The following ARID3C variants were observed in gnomAD, a reference collection of about 807,000 sequenced individuals.
ARID3C encodes AT-rich interactive domain-containing protein 3C.
In ARID3C, 42 loss-of-function variants were observed where a neutral mutation model predicts 37.9. The ratio of observed to expected loss-of-function variants is 1.11; its 90% CI spans 0.87 to 1.43. The LOEUF (loss-of-function observed/expected upper bound fraction) is 1.43. Ranked by LOEUF, ARID3C falls within the 40% of genes most tolerant of loss-of-function variation. The probability of loss-of-function intolerance (pLI) is 0.00; values close to 1 mark genes in which losing one functional copy is unlikely to be tolerated. For missense variants in ARID3C, 581 were observed against 548.8 expected (o/e 1.06, Z -0.59); for synonymous variants, 213 against 228.0 (o/e 0.93, Z 0.59).
At chr9:34,630,298 G>T (rs999378516), upstream of ARID3C, among the ~76,000 whole-genome samples, 5 of 152,094 alleles carry the variant, frequency 3.3e-5, no homozygotes, top group African/African-American at 1.2e-4. Context: ...GGGGTTCTGA[G>T]TGGCAGGCCT....
chr9:34,624,595 G>A (rs1351638753), intron 2 of ARID3C, among the ~76,000 whole-genome samples: 1 of 152,196 alleles, frequency 6.6e-6, no homozygotes, highest in Non-Finnish European at 1.5e-5. Context: ...GATGACGGGC[G>A]GGAAAAGAAT....
At chr9:34,625,814 G>T in exon 2 of ARID3C, 1 of 1,613,910 alleles carries the variant, frequency 6.2e-7, no homozygotes, top group Non-Finnish European at 8.5e-7. Context: ...AGCTCATACA[G>T]CTGGGGAAGG....
chr9:34,626,744 C>T (rs562749077), intron 1 of ARID3C, among the ~76,000 whole-genome samples: 2 of 152,250 alleles, frequency 1.3e-5, no homozygotes, highest in Admixed American at 1.3e-4. Context: ...TTACTTAGAT[C>T]CAAGTAATAA....
At chr9:34,623,795 G>GGCCCCCC in intron 3 of ARID3C, 69 bp downstream of exon 4, 5 of 1,504,614 alleles carry the variant, frequency 3.3e-6, no homozygotes, top group Non-Finnish European at 4.4e-6. Flanking sequence ...CCCGCCCGGG[G>GGCCCCCC]ACCCTCCCCC....
At chr9:34,623,753 G>A in intron 3 of ARID3C, 39 bp from the exon 5 acceptor site, 1 of 1,503,794 alleles carries the variant, frequency 6.6e-7, no homozygotes, top group Non-Finnish European at 8.9e-7. Context: ...ATGGGAGGCT[G>A]CACCCAGCTG....
intron 4 of ARID3C, 101 bp from the exon 6 acceptor site, chr9:34,622,630 A>C: frequency 8.3e-7 from 1 of 1,206,526 alleles, no homozygotes; most frequent in African/African-American, 1.5e-5. Flanking sequence ...AAGCTCATGT[A>C]CCAATCTCTC....
rs551228728 is a variant in ARID3C, at chr9:34,622,160, CTTA to C, written c.1049-54_1049-52del. On this transcript the variant is annotated intron_variant, in intron 5 of 6. Coordinates refer to ENST00000378909, the Ensembl canonical transcript of ARID3C. Reference sequence around the variant, plus strand: ...ACATTTTGGAGAATCAGACTTCTGACTTATTAATAGAATTTCCCCCCTCCATCC... The same window carrying C: ...ACATTTTGGAGAATCAGACTTCTGACTTAATAGAATTTCCCCCCTCCATCC... 7.4e-3 allele frequency: 11,844 copies of C among 1,607,348 alleles called. 68 individuals are homozygous for C. The highest frequency in any genetic ancestry group is 9.0e-3 in the Non-Finnish European group (10,574 of 1,174,698).
rs375611227 is a variant in ARID3C at position 34,621,566 on chromosome 9, A to C, written c.1139-8T>G. 1.4e-5 allele frequency: 22 copies of C among 1,570,346 alleles called. No homozygotes were observed. The highest frequency in any genetic ancestry group is 1.9e-5 in the Non-Finnish European group (22 of 1,165,814). ...GGCGGGCAAAGAGGACACCTGGCAA[A>C]GGGGTGAGGAGATGGTAGAGGGCAA... On this transcript the variant is annotated splice_region_variant and splice_polypyrimidine_tract_variant and intron_variant, in intron 6 of 6. Coordinates refer to ENST00000378909, the Ensembl canonical transcript of ARID3C.
chr9:34,624,163 CG>C, intron 2 of ARID3C, 116 bp from the exon 4 acceptor site: 1 of 1,318,318 alleles, frequency 7.6e-7, no homozygotes, highest in Non-Finnish European at 1.0e-6. Context: ...GAGACTTGGG[CG>C]GAGCCCACAG....
upstream of ARID3C, among the ~76,000 whole-genome samples, chr9:34,629,739 TTTTCTTTTTC>T (rs1024838928): frequency 1.3e-5 from 2 of 152,184 alleles, no homozygotes; most frequent in Non-Finnish European, 2.9e-5. Flanking sequence ...TTTTCTTTTC[TTTTCTTTTTC>T]TTTCTTTTCT....
exon 6 of ARID3C, chr9:34,622,107 C>G (rs746677927): frequency 1.2e-6 from 2 of 1,613,938 alleles, no homozygotes; most frequent in Admixed American, 3.3e-5. Flanking sequence ...TCCAGCCGCT[C>G]TTCTGTCCAG....
At chr9:34,627,900 G>T in exon 1 of ARID3C, 1 of 1,561,816 alleles carries the variant, frequency 6.4e-7, no homozygotes, top group Non-Finnish European at 8.7e-7. Context: ...TCAGGGGCCT[G>T]TAGGGTCCGG....
exon 5 of ARID3C, chr9:34,622,409 A>G: frequency 6.2e-7 from 1 of 1,614,080 alleles, no homozygotes; most frequent in African/African-American, 1.3e-5. Flanking sequence ...AGGTGGGTCC[A>G]TAGGCCCCAT....
At chr9:34,624,473 C>A (rs1021611875) in intron 2 of ARID3C, among the ~76,000 whole-genome samples, 44 of 152,344 alleles carry the variant, frequency 2.9e-4, no homozygotes, top group African/African-American at 9.9e-4. Flanking sequence ...GTTTGGCCTG[C>A]AAACTTTAGT....
At chr9:34,621,909 G>C (rs1011741614) in intron 6 of ARID3C, 111 bp downstream of exon 7, 1 of 1,097,802 alleles carries the variant, frequency 9.1e-7, no homozygotes, top group Non-Finnish European at 1.4e-6. Flanking sequence ...TGTTACTCAT[G>C]CAAGTTTAGA....
intron 1 of ARID3C, among the ~76,000 whole-genome samples, chr9:34,627,061 C>G (rs570378566): frequency 6.6e-6 from 1 of 152,146 alleles, no homozygotes; most frequent in Non-Finnish European, 1.5e-5. Context: ...TGCGGAGGAG[C>G]CCTTTAGTCA....
chr9:34,627,751 G>A (rs927042469), exon 1 of ARID3C: 2 of 1,614,122 alleles, frequency 1.2e-6, no homozygotes, highest in South Asian at 1.1e-5. Context: ...CAGGGGGCTG[G>A]CTAGAAGGCG....
At chr9:34,624,821 G>A (rs1820633017) in intron 2 of ARID3C, among the ~76,000 whole-genome samples, 1 of 152,244 alleles carries the variant, frequency 6.6e-6, no homozygotes, top group South Asian at 2.1e-4. Context: ...TGCAGCTGGA[G>A]CGGTGGGAGG....
rs1259201316 is a variant in ARID3C, at chr9:34,623,359, T to C, written c.865+66A>G. The C allele has an allele frequency of 8.3e-6, 12 of 1,440,560 alleles. No individual in the cohort carries two copies. In the African/African-American group the frequency reaches 1.8e-4, roughly 21 times the overall value. The allele number at this position is 1,440,560 out of a possible 1,614,324, so 89.2% of individuals were successfully genotyped here. A position where few individuals can be genotyped will look rare whatever the true frequency, so the allele number is the denominator to read the frequency against. Reference sequence around the variant, plus strand: ...GACCTCAATCCTCACATTTTAATGGTTGCTATATCTTAGCGCCCACCTAAA... The same window carrying C: ...GACCTCAATCCTCACATTTTAATGGCTGCTATATCTTAGCGCCCACCTAAA... On this transcript the variant is annotated intron_variant, in intron 4 of 6. Coordinates refer to ENST00000378909, the Ensembl canonical transcript of ARID3C.
Sources: gnomAD v4.1 joint callset for allele counts (sites outside exome capture counted in the v4.1 genomes callset) on GRCh38, gnomAD v4.1.1 for gene constraint, MANE v1.5 for transcripts, NCBI Gene and HGNC (gene_info 2026-07-23, HGNC 2026-07-21) for gene names.